ZDHHC21: variants seen among roughly 807,000 people sequenced by gnomAD.
ZDHHC21 encodes the protein palmitoyltransferase ZDHHC21.
Under a neutral mutation model 34.6 loss-of-function variants are expected in ZDHHC21, and 15 were observed. The ratio of observed to expected loss-of-function variants is 0.43; its 90% CI spans 0.29 to 0.67. The LOEUF (loss-of-function observed/expected upper bound fraction) is 0.67. Ranked by LOEUF, ZDHHC21 falls within the 30% of genes least tolerant of loss-of-function variation. The pLI is 0.14. For synonymous variants in ZDHHC21, 142 were observed against 101.8 expected (o/e 1.40, Z -2.38); for missense variants, 344 against 327.7 (o/e 1.05, Z -0.38).
chr9:14,652,450 C>T (rs904197083), intron 7 of ZDHHC21, among the ~76,000 whole-genome samples: 1 of 151,934 alleles, frequency 6.6e-6, no homozygotes, highest in Admixed American at 6.6e-5. Flanking sequence ...TTCCTCAAAA[C>T]TTCACATGGT....
At chr9:14,610,365 T>G (rs1448793565), downstream of ZDHHC21, among the ~76,000 whole-genome samples, 4 of 151,958 alleles carry the variant, frequency 2.6e-5, no homozygotes, top group African/African-American at 4.8e-5. Flanking sequence ...TCCTTAAAAG[T>G]TTATCAGAAG....
At chr9:14,599,313 G>A in the ZDHHC21 span, among the ~76,000 whole-genome samples, 1 of 152,170 alleles carries the variant, frequency 6.6e-6, no homozygotes, top group African/African-American at 2.4e-5. Context: ...AAAGCAGGGT[G>A]GGGCATTGCC....
chr9:14,633,007 G>C (rs1259467821), intron 8 of ZDHHC21, among the ~76,000 whole-genome samples: 1 of 152,136 alleles, frequency 6.6e-6, no homozygotes, highest in East Asian at 1.9e-4. Context: ...AACAGTGGCA[G>C]TTCTTTAAAA....
chr9:14,661,625 G>A (rs1241500848), intron 6 of ZDHHC21, among the ~76,000 whole-genome samples: 3 of 152,138 alleles, frequency 2.0e-5, no homozygotes, highest in Non-Finnish European at 2.9e-5. Context: ...TTTCTCAACT[G>A]AACATTTTCT....
rs182057327 is a variant in ZDHHC21 at position 14,658,404 on chromosome 9, G to A, written c.504+345C>T. On this transcript the variant is annotated intron_variant, in intron 7 of 9. Transcript: ENST00000380916. ...TGTTTCCAATCTTTTGTACTTAAAG[G>A]AACCACATGTTAATAATTGTATGCT... Among the ~76,000 whole-genome samples, 67 of 145,524 alleles carry A rather than the reference G, an allele frequency of 4.6e-4. 1 individual carries two copies. The highest frequency in any genetic ancestry group is 2.3e-3 in the Admixed American group (34 of 14,670).
chr9:14,655,221 G>C (rs547331337), intron 7 of ZDHHC21, among the ~76,000 whole-genome samples: 124 of 152,002 alleles, frequency 8.2e-4, no homozygotes, highest in African/African-American at 2.7e-3. Flanking sequence ...TTTAAAAACT[G>C]AACGAAAGTA....
rs886440027 is a variant in ZDHHC21, at chr9:14,618,103, A to G, written c.*863T>C. ...ATTTTAAAAACATATGCATTCTAAT[A>G]TAACTGCACTAGAAAAGGTAATTGT... On this transcript the variant is annotated 3_prime_UTR_variant, in exon 10 of 10. Transcript: ENST00000380916. 3 of 152,544 alleles carry G rather than the reference A, an allele frequency of 2.0e-5. No homozygotes were observed. Among genetic ancestry groups the G allele is most frequent in the African/African-American group, 7.2e-5 (3 of 41,432 alleles). 9.4% of individuals were successfully genotyped at this position (152,544 alleles called of 1,614,324 possible). A position where few individuals can be genotyped will look rare whatever the true frequency, so the allele number is the denominator to read the frequency against.
intron 1 of ZDHHC21, among the ~76,000 whole-genome samples, chr9:14,692,445 ATTT>A (rs906451332): frequency 4.6e-5 from 7 of 151,538 alleles, no homozygotes; most frequent in African/African-American, 1.7e-4. Context: ...AATGACCTTG[ATTT>A]TTTTTTCTCT....
chr9:14,610,826 G>A (rs1373331296), downstream of ZDHHC21, among the ~76,000 whole-genome samples: 1 of 152,010 alleles, frequency 6.6e-6, no homozygotes, highest in African/African-American at 2.4e-5. Flanking sequence ...TCATCTCTAA[G>A]ATAAACATGC....
intron 8 of ZDHHC21, among the ~76,000 whole-genome samples, chr9:14,622,067 G>A (rs1461254318): frequency 6.7e-6 from 1 of 150,174 alleles, no homozygotes; most frequent in African/African-American, 2.5e-5. Flanking sequence ...GTCCAGGAAT[G>A]ATAACAAACA....
intron 3 of ZDHHC21, among the ~76,000 whole-genome samples, chr9:14,678,976 C>G (rs115713861): frequency 0.012 from 1,762 of 151,928 alleles, 35 homozygotes; most frequent in African/African-American, 0.039. Flanking sequence ...ACCGGTTTTT[C>G]TGGAAAGAGA....
At chr9:14,670,690 A>C (rs911396146) in intron 5 of ZDHHC21, among the ~76,000 whole-genome samples, 19 of 152,152 alleles carry the variant, frequency 1.2e-4, no homozygotes, top group Non-Finnish European at 2.9e-5. Context: ...GATATTACAT[A>C]AGTATCTAAA....
chr9:14,680,888 C>T (rs1189518715), intron 2 of ZDHHC21, among the ~76,000 whole-genome samples: 2 of 152,044 alleles, frequency 1.3e-5, no homozygotes, highest in African/African-American at 4.8e-5. Context: ...GGTTGTGTTA[C>T]AAAATGTATT....
At chr9:14,593,111 G>A in the ZDHHC21 span, among the ~76,000 whole-genome samples, 1 of 151,510 alleles carries the variant, frequency 6.6e-6, no homozygotes, top group Admixed American at 6.6e-5. Flanking sequence ...TAAACTCAAA[G>A]CAAGTAGAAA....
At chr9:14,664,051 T>G (rs553166553) in intron 5 of ZDHHC21, among the ~76,000 whole-genome samples, 3 of 152,142 alleles carry the variant, frequency 2.0e-5, no homozygotes, top group East Asian at 3.9e-4. Context: ...GCTCCCAGCG[T>G]GAGCGACGCA....
At position 14,615,332 on chromosome 9, in the gene ZDHHC21, C is replaced by A. The variant is rs1251222920; in HGVS notation, c.*3634G>T. On this transcript the variant is annotated 3_prime_UTR_variant, in exon 10 of 10. Transcript: ENST00000380916. ...TAGCCATCATACTTAGAGAAAAATG[C>A]CTCTATGCATTGGCAAAAACGCACT... 2.0e-5 allele frequency: 3 copies of A among 151,588 alleles called. No homozygotes were observed. The highest frequency in any genetic ancestry group is 4.4e-5 in the Non-Finnish European group (3 of 67,656). The allele number at this position is 151,588 out of a possible 1,614,324, so 9.4% of individuals were successfully genotyped here.
chr9:14,651,768 T>C (rs538527768), intron 7 of ZDHHC21, among the ~76,000 whole-genome samples: 9 of 152,056 alleles, frequency 5.9e-5, no homozygotes, highest in South Asian at 2.1e-4. Context: ...GAAATAGAGT[T>C]TCATAATATA....
chr9:14,658,909 G>A, intron 6 of ZDHHC21, 22 bp from the exon 7 acceptor site: 3 of 1,590,590 alleles, frequency 1.9e-6, no homozygotes, highest in Non-Finnish European at 2.6e-6. Flanking sequence ...AAATGAAAAA[G>A]AAACAATATT....
chr9:14,680,697 A>G (rs887686945), intron 2 of ZDHHC21, among the ~76,000 whole-genome samples: 13 of 152,194 alleles, frequency 8.5e-5, no homozygotes, highest in Non-Finnish European at 1.9e-4. Flanking sequence ...TTATTAATTC[A>G]ATCAACACTT....
Sources: allele counts gnomAD v4.1 joint callset (sites outside exome capture counted in the v4.1 genomes callset), GRCh38; gene constraint gnomAD v4.1.1; transcripts MANE v1.5; gene names NCBI Gene and HGNC (gene_info 2026-07-23, HGNC 2026-07-21).